KLHL29: variants seen among roughly 807,000 people sequenced by gnomAD.
KLHL29 encodes the protein kelch like family member 29, also known as kelch-like protein 29.
Under a neutral mutation model 80.4 loss-of-function variants are expected in KLHL29, and 21 were observed. The ratio of observed to expected loss-of-function variants is 0.26; its 90% CI spans 0.19 to 0.38. The LOEUF is 0.38. Ranked by LOEUF, KLHL29 falls within the 10% of genes least tolerant of loss-of-function variation. The probability of loss-of-function intolerance (pLI) is 1.00; values close to 1 mark genes in which losing one functional copy is unlikely to be tolerated. For missense variants in KLHL29, 867 were observed against 1,223.9 expected (o/e 0.71, Z 4.35); for synonymous variants, 511 against 526.8 (o/e 0.97, Z 0.41).
chr2:23,673,480 C>G (rs986093947), intron 5 of KLHL29, among the ~76,000 whole-genome samples: 1 of 151,292 alleles, frequency 6.6e-6, no homozygotes, highest in African/African-American at 2.4e-5. Flanking sequence ...GGCACATTCA[C>G]AGGGATGCAT....
In KLHL29 at chr2:23,695,502, C is replaced by A; in HGVS notation, c.1543-121C>A. 1.4e-6 allele frequency: 1 copy of A among 729,122 alleles called. No homozygotes were observed. The highest frequency in any genetic ancestry group is 2.2e-6 in the Non-Finnish European group (1 of 450,542). The allele number at this position is 729,122 out of a possible 1,614,324, so 45.2% of individuals were successfully genotyped here. On this transcript the variant is annotated intron_variant, in intron 8 of 13. Coordinates refer to ENST00000486442, the MANE Select transcript of KLHL29 (RefSeq NM_052920.2). This position sits in a 1 kb window ranked among gnomAD's most constrained non-coding sequence, Gnocchi z 7.6. Reference sequence around the variant, plus strand: ...TGTCTAGGCTAGCAGAGTATCTACACTCCCAAGCCTAACACAGCCTGGAAT... The same window carrying A: ...TGTCTAGGCTAGCAGAGTATCTACAATCCCAAGCCTAACACAGCCTGGAAT...
intron 1 of KLHL29, among the ~76,000 whole-genome samples, chr2:23,466,441 T>G (rs980062916): frequency 6.6e-6 from 1 of 152,260 alleles, no homozygotes; most frequent in African/African-American, 2.4e-5. Flanking sequence ...ACTTCATTGC[T>G]AAATGTTTCA....
chr2:23,530,009 C>T (rs1453596264), intron 2 of KLHL29, among the ~76,000 whole-genome samples: 3 of 151,410 alleles, frequency 2.0e-5, no homozygotes, highest in Non-Finnish European at 4.4e-5. Flanking sequence ...CACTTCAGTC[C>T]GGCTCTTTCC....
chr2:23,428,789 G>A (rs1663077415), intron 1 of KLHL29, among the ~76,000 whole-genome samples: 1 of 152,328 alleles, frequency 6.6e-6, no homozygotes, highest in Admixed American at 6.5e-5. Context: ...ATGATGCAAG[G>A]AATGATTTGG....
In KLHL29 at chr2:23,639,124, A is replaced by G. The variant is rs1002553205; in HGVS notation, c.286-15A>G. 1.6e-5 allele frequency: 25 copies of G among 1,523,710 alleles called. 1 individual carries two copies. In the African/African-American group the frequency reaches 2.2e-4, roughly 14 times the overall value. 94.4% of individuals were successfully genotyped at this position (1,523,710 alleles called of 1,614,324 possible). A position where few individuals can be genotyped will look rare whatever the true frequency, so the allele number is the denominator to read the frequency against. On this transcript the variant is annotated splice_polypyrimidine_tract_variant and intron_variant, in intron 3 of 13. Coordinates refer to ENST00000486442, the MANE Select transcript of KLHL29 (RefSeq NM_052920.2). Reference sequence around the variant, plus strand: ...CTGGCCAGGCTATGCTCACCTCCTCATCTGCTTCCCACAGGCTCCCGGCAT... The same window carrying G: ...CTGGCCAGGCTATGCTCACCTCCTCGTCTGCTTCCCACAGGCTCCCGGCAT...
chr2:23,419,724 C>A (rs934221023), intron 1 of KLHL29, among the ~76,000 whole-genome samples: 2 of 152,118 alleles, frequency 1.3e-5, no homozygotes, highest in Non-Finnish European at 2.9e-5. Flanking sequence ...AGGCCCGTGT[C>A]GCAGTGGGGC....
chr2:23,595,094 T>C (rs1170328526), intron 3 of KLHL29, among the ~76,000 whole-genome samples: 1 of 152,196 alleles, frequency 6.6e-6, no homozygotes, highest in Non-Finnish European at 1.5e-5. Flanking sequence ...CTGGTGGACT[T>C]CTCTGTCCAT....
At chr2:23,431,277 C>T (rs914537369) in intron 1 of KLHL29, among the ~76,000 whole-genome samples, 3 of 152,188 alleles carry the variant, frequency 2.0e-5, no homozygotes, top group Admixed American at 6.5e-5. Context: ...AAATGTGTGA[C>T]CCTGTGTTCA....
intron 1 of KLHL29, among the ~76,000 whole-genome samples, chr2:23,444,268 A>C (rs555483308): frequency 6.6e-6 from 1 of 152,160 alleles, no homozygotes; most frequent in Non-Finnish European, 1.5e-5. Context: ...CAGATTTAGA[A>C]CTCAAGATTT....
At chr2:23,444,173 A>AG (rs1018865991) in intron 1 of KLHL29, among the ~76,000 whole-genome samples, 18 of 152,192 alleles carry the variant, frequency 1.2e-4, no homozygotes, top group African/African-American at 4.3e-4. Flanking sequence ...CTTAGGCACT[A>AG]GGGATGCTCG....
chr2:23,630,820 A>G (rs1258093070), intron 3 of KLHL29, among the ~76,000 whole-genome samples: 2 of 152,072 alleles, frequency 1.3e-5, no homozygotes, highest in African/African-American at 2.4e-5. Flanking sequence ...TCTGGCCCTT[A>G]TTATTCTCAT....
chr2:23,450,773 C>T (rs900084393), intron 1 of KLHL29, among the ~76,000 whole-genome samples: 1 of 152,090 alleles, frequency 6.6e-6, no homozygotes, highest in African/African-American at 2.4e-5. Flanking sequence ...ATAATTTACC[C>T]ATTTAAGGTA....
chr2:23,604,162 AT>A (rs869298770), intron 3 of KLHL29, among the ~76,000 whole-genome samples: 1 of 150,726 alleles, frequency 6.6e-6, no homozygotes. Flanking sequence ...TATTTTTTTT[AT>A]TTTTTTGAGA....
chr2:23,604,222 G>A (rs980557069), intron 3 of KLHL29, among the ~76,000 whole-genome samples: 1 of 151,964 alleles, frequency 6.6e-6, no homozygotes, highest in African/African-American at 2.4e-5. Flanking sequence ...TACAATCTGG[G>A]CCTCCCGAGT....
At chr2:23,598,949 G>A (rs556584753) in intron 3 of KLHL29, among the ~76,000 whole-genome samples, 14 of 152,344 alleles carry the variant, frequency 9.2e-5, no homozygotes, top group South Asian at 4.1e-4. Flanking sequence ...GGCTTGGCCC[G>A]GAGCCCCATG....
intron 1 of KLHL29, among the ~76,000 whole-genome samples, chr2:23,472,177 TAAATA>T (rs1664511610): frequency 1.3e-5 from 2 of 151,804 alleles, no homozygotes; most frequent in African/African-American, 4.8e-5. Context: ...TGTGAAAAAA[TAAATA>T]AAATCACTGA....
intron 2 of KLHL29, among the ~76,000 whole-genome samples, chr2:23,535,667 A>C (rs1220329199): frequency 6.6e-6 from 1 of 152,236 alleles, no homozygotes; most frequent in Non-Finnish European, 1.5e-5. Context: ...GGAAAGGATA[A>C]ATATGGTATG....
At chr2:23,518,359 T>A (rs1302673294) in intron 2 of KLHL29, among the ~76,000 whole-genome samples, 2 of 152,190 alleles carry the variant, frequency 1.3e-5, no homozygotes, top group African/African-American at 4.8e-5. Flanking sequence ...GAGAACCCAG[T>A]GGTCCTCTGG....
chr2:23,654,362 C>T (rs929815900), intron 5 of KLHL29, among the ~76,000 whole-genome samples: 4 of 152,192 alleles, frequency 2.6e-5, no homozygotes, highest in Non-Finnish European at 5.9e-5. Context: ...TCACACGCCC[C>T]TCAGTTTAGG....
Sources: allele counts gnomAD v4.1 joint callset (sites outside exome capture counted in the v4.1 genomes callset), GRCh38; gene constraint gnomAD v4.1.1; non-coding constraint Gnocchi (gnomAD v3.1); transcripts MANE v1.5; gene names NCBI Gene and HGNC (gene_info 2026-07-23, HGNC 2026-07-21).